Variants in NOTCH4 observed in about 807,000 individuals in gnomAD.
NOTCH4 encodes neurogenic locus notch homolog protein 4.
NOTCH4 carries 138 observed loss-of-function variants against 189.0 expected under a neutral mutation model. The observed-to-expected ratio is 0.73, with a 90% CI of 0.64 to 0.84. NOTCH4 has a LOEUF of 0.84. Ranked by LOEUF, NOTCH4 falls within the 40% of genes least tolerant of loss-of-function variation. The pLI is 0.00. For synonymous variants in NOTCH4, 942 were observed against 1,032.8 expected, an observed-to-expected ratio of 0.91 and a Z score of 1.69; for missense variants, 2,286 against 2,605.4, an observed-to-expected ratio of 0.88 and a Z score of 2.67.
chr6:32,197,649 G>A (rs1211246498), intron 26 of NOTCH4, 55 bp from the exon 27 acceptor site: 2 of 1,471,314 alleles, frequency 1.4e-6, no homozygotes, highest in Non-Finnish European at 9.2e-7. Context: ...AGGGGGAAGG[G>A]ACAACATGTA....
Position 32,197,280 on chromosome 6 carries a change from G to A in NOTCH4, c.5052+19C>T, listed in dbSNP as rs945299796. 2.6e-6 allele frequency: 4 copies of A among 1,518,444 alleles called. No homozygotes were observed. The African/African-American group carries it at 5.5e-5, about 21-fold the overall frequency. 94.1% of individuals were successfully genotyped at this position (1,518,444 alleles called of 1,614,324 possible). On this transcript the variant is annotated intron_variant, in intron 27 of 29. Coordinates refer to ENST00000375023, the MANE Select transcript of NOTCH4 (RefSeq NM_004557.4). ...GTAAGCTCGCCCCATTCCCTGTAGGGACCTCAGTGTGTGCTAACCTGGCAG... is the reference window on the plus strand; with the variant it reads ...GTAAGCTCGCCCCATTCCCTGTAGGAACCTCAGTGTGTGCTAACCTGGCAG...
chr6:32,219,643 C>T lies in NOTCH4; in HGVS notation c.1459G>A (p.Gly487Arg), dbSNP rs148099485. 251 of 1,613,088 alleles carry T rather than the reference C, an allele frequency of 1.6e-4. No homozygotes were observed. The African/African-American group carries it at 3.2e-3, about 20-fold the overall frequency. Residue 487 changes from glycine to arginine, a missense_variant, in exon 8 of 30, where the codon GGA (glycine) becomes AGA (arginine). By Grantham distance (125) the Gly-to-Arg change is moderately radical. Around this residue, in one of 2 missense-constraint regions of NOTCH4, gnomAD observed 1,903 missense variants for 2,261.9 expected, o/e 0.84. Transcript: ENST00000375023. ...GCAAGTAGGTCCAGACAGGTGCTTCCTGGGTGGCAGGGCTGGGAGAGGCAC... is the reference window on the plus strand; with the variant it reads ...GCAAGTAGGTCCAGACAGGTGCTTCTTGGGTGGCAGGGCTGGGAGAGGCAC... ...NECLSQPCHP[G>R]STCLDLLATF...
At position 32,199,088 on chromosome 6, in the gene NOTCH4, A is replaced by T; in HGVS notation, c.4373T>A (p.Ile1458Asn). The change falls in exon 24 of 30, where the codon ATT (isoleucine) becomes AAT (asparagine). Residue 1458 changes from isoleucine (I) to asparagine (N), a missense_variant. This residue lies in a region of NOTCH4 where 1,903 missense variants were observed against 2,261.9 expected (regional missense o/e 0.84). Coordinates refer to ENST00000375023, the MANE Select transcript of NOTCH4 (RefSeq NM_004557.4). This position sits in a 1 kb window ranked among gnomAD's most constrained non-coding sequence, Gnocchi z 4.9. ...PVLCSPVAGVILLALGALLVL... is the reference protein window; with the variant it reads ...PVLCSPVAGVNLLALGALLVL... ...GAGAAGAGCCCCTAGGGCCAGGAGA[A>T]TCACCCCGGCCACTGGGGAGCACAG... is the stretch of plus-strand genomic sequence containing the variant. 6.2e-7 allele frequency: 1 copy of T among 1,612,462 alleles called. No homozygotes were observed. The highest frequency in any genetic ancestry group is 8.5e-7 in the Non-Finnish European group (1 of 1,179,752).
intron 26 of NOTCH4, 150 bp from the exon 27 acceptor site, chr6:32,197,744 C>G: frequency 1.7e-6 from 1 of 590,484 alleles, no homozygotes; most frequent in Non-Finnish European, 2.8e-6. Flanking sequence ...TTCTGCTTTT[C>G]TCTGACTTCA....
Position 32,199,073 on chromosome 6 carries a change from C to T in NOTCH4, c.4388G>A (p.Gly1463Glu). The T allele has an allele frequency of 1.2e-6, 2 of 1,612,748 alleles. No individual in the cohort carries two copies. Among genetic ancestry groups the T allele is most frequent in the Admixed American group, 1.7e-5 (1 of 59,988 alleles). The change falls in exon 24 of 30, where the codon GGG (glycine) becomes GAG (glutamate). Residue 1463 changes from glycine to glutamate, a missense_variant. By Grantham distance (98) the Gly-to-Glu change is moderately conservative (BLOSUM62 -2). Coordinates refer to ENST00000375023, the MANE Select transcript of NOTCH4 (RefSeq NM_004557.4). The surrounding 1 kb of genome is among the most constrained non-coding windows in gnomAD (Gnocchi z 4.9). ...PVAGVILLAL[G>E]ALLVLQLIRR... Reference sequence around the variant, plus strand: ...GATGAGCTGGAGGACGAGAAGAGCCCCTAGGGCCAGGAGAATCACCCCGGC... The same window carrying T: ...GATGAGCTGGAGGACGAGAAGAGCCTCTAGGGCCAGGAGAATCACCCCGGC...
intron 17 of NOTCH4, among the ~76,000 whole-genome samples, chr6:32,211,479 G>A (rs1405127693): frequency 6.6e-6 from 1 of 151,508 alleles, no homozygotes; most frequent in Admixed American, 6.6e-5. Flanking sequence ...ACGAATCCCA[G>A]CTACTTGGGA....
At chr6:32,203,707 C>G in intron 20 of NOTCH4, 63 bp downstream of exon 20, 1 of 1,227,442 alleles carries the variant, frequency 8.1e-7, no homozygotes, top group South Asian at 1.4e-5. Context: ...GGGATTCCAA[C>G]TGAGGTATTC....
rs370587439 is a variant in NOTCH4, at chr6:32,210,790, C to T, written c.2827G>A (p.Ala943Thr). 1 of 1,612,986 alleles carries T rather than the reference C, an allele frequency of 6.2e-7. No homozygotes were observed. The highest frequency in any genetic ancestry group is 1.7e-5 in the Admixed American group (1 of 60,028). ...PCESRPCQNG[A>T]TCMAQPSGYL... ...CCACTGGGCTGGGCCATGCAGGTGG[C>T]CCCGTTCTGGCAAGGCCTGGACTCA... Residue 943 changes from alanine (A) to threonine (T), a missense_variant, in exon 18 of 30, where the codon GCC (alanine) becomes ACC (threonine). By Grantham distance (58) the Ala-to-Thr change is moderately conservative (BLOSUM62 0). Coordinates refer to ENST00000375023, the MANE Select transcript of NOTCH4 (RefSeq NM_004557.4). This position sits in a 1 kb window ranked among gnomAD's most constrained non-coding sequence, Gnocchi z 4.8.
At chr6:32,204,920 C>T (rs1034683137) in intron 18 of NOTCH4, among the ~76,000 whole-genome samples, 5 of 152,088 alleles carry the variant, frequency 3.3e-5, no homozygotes, top group African/African-American at 1.2e-4. Flanking sequence ...TTACTTTGCA[C>T]GTAAGGAAGC....
Position 32,197,030 on chromosome 6 carries a change from C to G in NOTCH4, c.5095G>C (p.Glu1699Gln), listed in dbSNP as rs1787985792. The G allele has an allele frequency of 6.2e-7, 1 of 1,612,972 alleles. No homozygotes were observed. Among genetic ancestry groups the G allele is most frequent in the East Asian group, 2.2e-5 (1 of 44,884 alleles). Residue 1699 changes from glutamate (E) to glutamine (Q), a missense_variant, in exon 28 of 30, where the codon GAG becomes CAG. Coordinates refer to ENST00000375023, the MANE Select transcript of NOTCH4 (RefSeq NM_004557.4). Reference sequence around the variant, plus strand: ...AGCATCAAGGGTGTGGTCCCGTCCTCTGTGCGAGCGTCCACTGCAGTTTGT... The same window carrying G: ...AGCATCAAGGGTGTGGTCCCGTCCTGTGTGCGAGCGTCCACTGCAGTTTGT... ...SRQTAVDART[E>Q]DGTTPLMLAA...
At chr6:32,213,311 C>T in intron 14 of NOTCH4, 59 bp from the exon 15 acceptor site, 1 of 1,140,254 alleles carries the variant, frequency 8.8e-7, no homozygotes, top group Non-Finnish European at 1.3e-6. Context: ...CCTGTGACCT[C>T]AGTCACACTG....
At position 32,204,401 on chromosome 6, in the gene NOTCH4, G is replaced by A. The variant is rs765085449; in HGVS notation, c.2866-12C>T. 6 of 1,612,132 alleles carry A rather than the reference G, an allele frequency of 3.7e-6. No homozygotes were observed. In the East Asian group the frequency reaches 1.1e-4, roughly 30 times the overall value. On this transcript the variant is annotated splice_polypyrimidine_tract_variant and intron_variant, in intron 18 of 29. Coordinates refer to ENST00000375023, the MANE Select transcript of NOTCH4 (RefSeq NM_004557.4). Reference sequence around the variant, plus strand: ...TAGCCTGGGGCACACTGCAGACAAAGAGGATTAGACAGGGAACCAGTGGAT... The same window carrying A: ...TAGCCTGGGGCACACTGCAGACAAAAAGGATTAGACAGGGAACCAGTGGAT...
intron 8 of NOTCH4, among the ~76,000 whole-genome samples, chr6:32,218,372 T>G (rs1469135803): frequency 6.6e-6 from 1 of 152,148 alleles, no homozygotes; most frequent in African/African-American, 2.4e-5. Flanking sequence ...TGGCCATTCC[T>G]GTGTATACAG....
In NOTCH4 at chr6:32,202,102, G is replaced by A. The variant is rs780232367; in HGVS notation, c.3729C>T (p.Tyr1243=). The change falls in exon 21 of 30, where the codon TAC becomes TAT. Residue 1243 remains tyrosine (Y), a synonymous_variant. Transcript: ENST00000375023. This position sits in a 1 kb window ranked among gnomAD's most constrained non-coding sequence, Gnocchi z 5.7. The stretch of plus-strand genomic sequence containing the variant: ...TGCAGGCTGGAGGGGTCTCACAGTC[G>A]TAGCCATCAAACAGACACTCTTCAG... ...CDSEECLFDG[Y]DCETPPACTP... The A allele has an allele frequency of 8.5e-5, 126 of 1,486,644 alleles. No individual in the cohort carries two copies. The Middle Eastern group carries it at 1.1e-3, about 13-fold the overall frequency. The allele number at this position is 1,486,644 out of a possible 1,614,324, so 92.1% of individuals were successfully genotyped here.
chr6:32,204,689 C>G (rs962953913), intron 18 of NOTCH4, among the ~76,000 whole-genome samples: 1 of 152,204 alleles, frequency 6.6e-6, no homozygotes, highest in East Asian at 1.9e-4. Context: ...CTACCAGGCT[C>G]TCTCATACTT....
rs577955954 is a variant in NOTCH4, at chr6:32,214,381, A to G, written c.2022-126T>C. 7.2e-5 allele frequency: 75 copies of G among 1,046,350 alleles called. No homozygotes were observed. The African/African-American group carries it at 1.1e-3, about 15-fold the overall frequency. The allele number at this position is 1,046,350 out of a possible 1,614,324, so 64.8% of individuals were successfully genotyped here. A position where few individuals can be genotyped will look rare whatever the true frequency, so the allele number is the denominator to read the frequency against. ...GAGATTCTGGCCTCTTTCTTCAGTG[A>G]CTTTGCTCTCAGCACCGCCCCCATC... On this transcript the variant is annotated intron_variant, in intron 12 of 29. Transcript: ENST00000375023.
chr6:32,197,289 G>A lies in NOTCH4; in HGVS notation c.5052+10C>T. 3 of 1,521,170 alleles carry A rather than the reference G, an allele frequency of 2.0e-6. No homozygotes were observed. The highest frequency in any genetic ancestry group is 2.6e-6 in the Non-Finnish European group (3 of 1,139,306). The allele number at this position is 1,521,170 out of a possible 1,614,324, so 94.2% of individuals were successfully genotyped here. ...CCCCATTCCCTGTAGGGACCTCAGT[G>A]TGTGCTAACCTGGCAGACCTCCCGA... On this transcript the variant is annotated intron_variant, in intron 27 of 29. Coordinates refer to ENST00000375023, the MANE Select transcript of NOTCH4 (RefSeq NM_004557.4).
chr6:32,195,481 G>A lies in NOTCH4; in HGVS notation c.5968C>T (p.Leu1990Phe), dbSNP rs1185576654. The part of the protein sequence containing the change: ...SPQLDCGPPA[L>F]QEMPINQGGE... ...CCTTGGTTTATGGGCATTTCTTGGA[G>A]GGCTGGGGGACCACAGTCAAGTTGA... Residue 1990 changes from leucine to phenylalanine, a missense_variant, in exon 30 of 30, where the codon CTC becomes TTC. Transcript: ENST00000375023. This position sits in a 1 kb window ranked among gnomAD's most constrained non-coding sequence, Gnocchi z 5.4. 6.2e-7 allele frequency: 1 copy of A among 1,612,098 alleles called. No homozygotes were observed. Among genetic ancestry groups the A allele is most frequent in the Non-Finnish European group, 8.5e-7 (1 of 1,179,458 alleles).
At chr6:32,209,457 G>A (rs993384045) in intron 18 of NOTCH4, among the ~76,000 whole-genome samples, 1 of 152,162 alleles carries the variant, frequency 6.6e-6, no homozygotes, top group African/African-American at 2.4e-5. Context: ...GATGGTGATA[G>A]TTAACAATTT....
Sources: gnomAD v4.1 joint callset for allele counts (sites outside exome capture counted in the v4.1 genomes callset) on GRCh38, gnomAD v4.1.1 for gene constraint, gnomAD v4.1.1 regional missense constraint, Gnocchi (gnomAD v3.1) non-coding constraint, MANE v1.5 for transcripts, NCBI Gene and HGNC (gene_info 2026-07-23, HGNC 2026-07-21) for gene names.